Variants in ABCA13 observed in about 807,000 individuals in gnomAD.
ABCA13 encodes ATP binding cassette subfamily A member 13.
Under a neutral mutation model 478.7 loss-of-function variants are expected in ABCA13, and 476 were observed. The observed-to-expected ratio is 0.99, with a 90% CI of 0.92 to 1.07. The LOEUF is 1.07. Ranked by LOEUF, ABCA13 falls within the 50% of genes least tolerant of loss-of-function variation. The pLI, the probability that ABCA13 is intolerant of heterozygous loss-of-function variation, is 0.00. For synonymous variants in ABCA13, 2,252 were observed against 2,158.9 expected (o/e 1.04, Z -1.20); for missense variants, 6,060 against 5,910.6 (o/e 1.03, Z -0.83).
chr7:48,411,023 CT>C (rs1442635300), intron 40 of ABCA13, among the ~76,000 whole-genome samples: 1 of 118,136 alleles, frequency 8.5e-6, no homozygotes, highest in Non-Finnish European at 1.8e-5. Context: ...TTCTTTCTTT[CT>C]TTCTTTCTTT....
intron 48 of ABCA13, among the ~76,000 whole-genome samples, chr7:48,504,474 G>C (rs527993408): frequency 6.6e-6 from 1 of 152,258 alleles, no homozygotes; most frequent in East Asian, 1.9e-4. Context: ...AGAGCAGGGA[G>C]ATGGGGAGGG....
At chr7:48,404,992 A>T (rs1448879932) in intron 39 of ABCA13, among the ~76,000 whole-genome samples, 2 of 152,240 alleles carry the variant, frequency 1.3e-5, no homozygotes, top group African/African-American at 4.8e-5. Context: ...TGCAGGCCAC[A>T]TCTGCGGTGC....
chr7:48,324,244 A>C (rs1452605689), intron 27 of ABCA13, among the ~76,000 whole-genome samples: 1 of 152,156 alleles, frequency 6.6e-6, no homozygotes, highest in African/African-American at 2.4e-5. Flanking sequence ...TGGCTTGCAG[A>C]CAGCCATCTT....
intron 33 of ABCA13, 97 bp downstream of exon 33, chr7:48,372,594 T>A (rs1812819984): frequency 9.7e-7 from 1 of 1,035,886 alleles, no homozygotes. Context: ...TTTCAATTTG[T>A]CATGTTCATA....
intron 49 of ABCA13, among the ~76,000 whole-genome samples, chr7:48,506,608 G>A (rs745527815): frequency 5.3e-5 from 8 of 152,184 alleles, no homozygotes; most frequent in Non-Finnish European, 1.0e-4. Context: ...AAACAGATGA[G>A]TTTGTCATGC....
chr7:48,521,747 AT>A (rs1351904385), intron 53 of ABCA13, among the ~76,000 whole-genome samples: 2 of 152,164 alleles, frequency 1.3e-5, no homozygotes, highest in African/African-American at 4.8e-5. Context: ...TATAAGTTGA[AT>A]TGTATTTTAG....
chr7:48,583,631 T>C (rs1290563744), intron 56 of ABCA13, among the ~76,000 whole-genome samples: 1 of 152,172 alleles, frequency 6.6e-6, no homozygotes, highest in Non-Finnish European at 1.5e-5. Flanking sequence ...CCAAAACAAA[T>C]GCATCCCAGT....
intron 38 of ABCA13, among the ~76,000 whole-genome samples, chr7:48,399,743 C>A (rs539188841): frequency 6.6e-6 from 1 of 152,286 alleles, no homozygotes; most frequent in South Asian, 2.1e-4. Context: ...GCAATGACAA[C>A]AACACCCAAC....
intron 58 of ABCA13, among the ~76,000 whole-genome samples, chr7:48,598,880 A>T (rs1790580051): frequency 6.6e-6 from 1 of 152,074 alleles, no homozygotes; most frequent in African/African-American, 2.4e-5. Context: ...TGAGAAAAGG[A>T]TATAAATTCA....
At chr7:48,304,495 A>G (rs1800611964) in intron 23 of ABCA13, among the ~76,000 whole-genome samples, 1 of 152,110 alleles carries the variant, frequency 6.6e-6, no homozygotes, top group South Asian at 2.1e-4. Context: ...TTATTTTTTG[A>G]CTTTTTAATA....
intron 23 of ABCA13, among the ~76,000 whole-genome samples, chr7:48,305,273 G>C (rs1021190328): frequency 1.3e-5 from 2 of 152,196 alleles, no homozygotes; most frequent in African/African-American, 4.8e-5. Context: ...CTGGAGTCAG[G>C]ATCCACCACC....
intron 55 of ABCA13, among the ~76,000 whole-genome samples, chr7:48,578,648 A>G (rs909321336): frequency 6.6e-6 from 1 of 152,196 alleles, no homozygotes; most frequent in Non-Finnish European, 1.5e-5. Flanking sequence ...TGTTAGGTTT[A>G]ACACAACCCC....
At chr7:48,484,604 T>C (rs1402327856) in intron 47 of ABCA13, among the ~76,000 whole-genome samples, 1 of 152,226 alleles carries the variant, frequency 6.6e-6, no homozygotes, top group East Asian at 1.9e-4. Context: ...ACGGACCTCT[T>C]GTTCAGTGAT....
At chr7:48,180,721 G>T (rs183522183) in intron 1 of ABCA13, among the ~76,000 whole-genome samples, 1 of 152,024 alleles carries the variant, frequency 6.6e-6, no homozygotes, top group African/African-American at 2.4e-5. Context: ...GCCACCATGC[G>T]TGGCCGATGC....
chr7:48,304,801 A>G (rs1362971017), intron 23 of ABCA13, among the ~76,000 whole-genome samples: 1 of 152,206 alleles, frequency 6.6e-6, no homozygotes, highest in African/African-American at 2.4e-5. Context: ...ACTGCAGCCA[A>G]ATGATGCCTG....
Position 48,528,324 on chromosome 7 carries a change from C to A in ABCA13, c.14333C>A (p.Ala4778Asp). 6.4e-7 allele frequency: 1 copy of A among 1,566,130 alleles called. No individual in the cohort carries two copies. Among genetic ancestry groups the A allele is most frequent in the East Asian group, 2.3e-5 (1 of 42,686 alleles). Residue 4778 changes from alanine (A) to aspartate (D), a missense_variant, in exon 55 of 62, where the codon GCT becomes GAT. Physicochemically the swap from Ala to Asp is moderately radical, Grantham distance 126. Coordinates refer to ENST00000435803, the MANE Select transcript of ABCA13 (RefSeq NM_152701.5). ...GAAGTTTCTCTAACTTCAGGACATG[C>A]TATCATCAGGACTCCCATGGGGTAA... Reference protein sequence around the residue: ...NGEVSLTSGHAIIRTPMGDAV... With the variant: ...NGEVSLTSGHDIIRTPMGDAV...
intron 61 of ABCA13, 48 bp from the exon 62 acceptor site, chr7:48,645,369 A>G (rs1255422865): frequency 7.6e-6 from 11 of 1,446,210 alleles, no homozygotes; most frequent in Non-Finnish European, 1.0e-5. Context: ...AGTGAGACCA[A>G]AGGGTTGTAT....
At chr7:48,636,173 T>C (rs892333149) in intron 59 of ABCA13, among the ~76,000 whole-genome samples, 5 of 152,324 alleles carry the variant, frequency 3.3e-5, no homozygotes, top group African/African-American at 7.2e-5. Context: ...AATTTTATTG[T>C]GTACAGAGGC....
chr7:48,236,007 T>C (rs559720084), intron 8 of ABCA13, among the ~76,000 whole-genome samples: 206 of 152,240 alleles, frequency 1.4e-3, no homozygotes, highest in Non-Finnish European at 2.4e-3. Context: ...AGGTTGGGTG[T>C]ACTAAATGTA....
Sources: allele counts gnomAD v4.1 joint callset (sites outside exome capture counted in the v4.1 genomes callset), GRCh38; gene constraint gnomAD v4.1.1; transcripts MANE v1.5; gene names NCBI Gene and HGNC (gene_info 2026-07-23, HGNC 2026-07-21).